Variants in PRTFDC1 observed in about 807,000 individuals in gnomAD.
PRTFDC1 encodes the protein phosphoribosyl transferase domain containing 1.
PRTFDC1 carries 38 observed loss-of-function variants against 34.6 expected under a neutral mutation model. That is an observed-to-expected ratio of 1.10 (90% CI 0.85 to 1.44). The LOEUF (loss-of-function observed/expected upper bound fraction) is 1.44. Among genes scored for constraint, PRTFDC1 ranks in the 40% most tolerant of loss-of-function variants. PRTFDC1 has a pLI of 0.00. For synonymous variants in PRTFDC1, 93 were observed against 98.1 expected (o/e 0.95, Z 0.31); for missense variants, 270 against 283.0 (o/e 0.95, Z 0.33).
chr10:24,883,577 C>T (rs1047687074), intron 3 of PRTFDC1, among the ~76,000 whole-genome samples: 4 of 152,070 alleles, frequency 2.6e-5, no homozygotes, highest in Admixed American at 6.6e-5. Context: ...CAGATTCAGC[C>T]GCATTGCTTT....
In PRTFDC1 at chr10:24,942,358, G is replaced by A. The variant is rs756177618; in HGVS notation, c.127C>T (p.Leu43Phe). The change falls in exon 2 of 9, where the codon CTC becomes TTC. Residue 43 changes from leucine (L) to phenylalanine (F), a missense_variant. Physicochemically the swap from Leu to Phe is conservative, Grantham distance 22. Coordinates refer to ENST00000320152, the MANE Select transcript of PRTFDC1 (RefSeq NM_020200.7). ...TCCACAATGATACCATGAGGGATGA[G>A]GACATACTCCAAGTCTCCATAATAG... Reference protein sequence around the residue: ...QHYYGDLEYVLIPHGIIVDRI... With the variant: ...QHYYGDLEYVFIPHGIIVDRI... 4 of 1,613,058 alleles carry A rather than the reference G, an allele frequency of 2.5e-6. No individual in the cohort carries two copies. In the African/African-American group the frequency reaches 4.0e-5, roughly 16 times the overall value.
At chr10:24,944,793 A>C (rs1849228252) in intron 1 of PRTFDC1, among the ~76,000 whole-genome samples, 1 of 152,086 alleles carries the variant, frequency 6.6e-6, no homozygotes, top group African/African-American at 2.4e-5. Flanking sequence ...TCGAAAAATA[A>C]AAATAAAAAA....
chr10:24,909,536 T>C (rs1272291281), intron 3 of PRTFDC1, among the ~76,000 whole-genome samples: 1 of 152,188 alleles, frequency 6.6e-6, no homozygotes, highest in Non-Finnish European at 1.5e-5. Context: ...GCAGAGAGTA[T>C]CAGCAAATGC....
At chr10:24,920,583 G>GC (rs1197764282) in intron 3 of PRTFDC1, among the ~76,000 whole-genome samples, 2 of 152,090 alleles carry the variant, frequency 1.3e-5, no homozygotes, top group East Asian at 3.9e-4. Flanking sequence ...CACATGTGGG[G>GC]CTTAATACCT....
intron 3 of PRTFDC1, among the ~76,000 whole-genome samples, chr10:24,928,609 AATTTTT>A (rs1848918245): frequency 1.3e-5 from 2 of 152,030 alleles, no homozygotes; most frequent in African/African-American, 4.8e-5. Context: ...ACGCCCAGCT[AATTTTT>A]GTATTTTTAG....
chr10:24,884,465 C>A (rs1848131528), intron 3 of PRTFDC1, among the ~76,000 whole-genome samples: 1 of 152,206 alleles, frequency 6.6e-6, no homozygotes, highest in African/African-American at 2.4e-5. Context: ...CAAAATATTT[C>A]TGAAGATTCC....
In PRTFDC1 at chr10:24,936,294, T is replaced by C. The variant is rs189733888; in HGVS notation, c.339+890A>G. Among the ~76,000 whole-genome samples the C allele has an allele frequency of 1.1e-4, 16 of 152,236 alleles. 1 individual carries two copies. The highest frequency in any genetic ancestry group is 9.2e-4 in the Admixed American group (14 of 15,288). ...GGAGACTAAGGAAACAACAGCTTTT[T>C]TTTTTTGGCAAGAGTTTCATTGTCA... On this transcript the variant is annotated intron_variant, in intron 3 of 8. Transcript: ENST00000320152.
rs1017491064 is a variant in PRTFDC1, at chr10:24,849,695, C to T, written c.*149G>A. 1.5e-5 allele frequency: 10 copies of T among 668,062 alleles called. No homozygotes were observed. Among genetic ancestry groups the T allele is most frequent in the African/African-American group, 1.1e-4 (6 of 55,088 alleles). 41.4% of individuals were successfully genotyped at this position (668,062 alleles called of 1,614,324 possible). On this transcript the variant is annotated 3_prime_UTR_variant, in exon 9 of 9. Transcript: ENST00000320152. ...CCTTTGATACTCTTTATATTAACCT[C>T]AGAAAAGAAAGCTCTCTCATTTGAA...
At chr10:24,855,999 A>G (rs1847567155) in intron 6 of PRTFDC1, among the ~76,000 whole-genome samples, 1 of 150,030 alleles carries the variant, frequency 6.7e-6, no homozygotes, top group Non-Finnish European at 1.5e-5. Context: ...CTGCAGTCTC[A>G]GCTACATGGG....
intron 3 of PRTFDC1, among the ~76,000 whole-genome samples, chr10:24,882,826 C>G (rs1848102057): frequency 6.7e-6 from 1 of 149,828 alleles, no homozygotes; most frequent in Admixed American, 6.6e-5. Context: ...GTTAAAAAAA[C>G]AAATAAAAAA....
At chr10:24,928,472 C>G (rs1377331551) in intron 3 of PRTFDC1, among the ~76,000 whole-genome samples, 10 of 152,104 alleles carry the variant, frequency 6.6e-5, no homozygotes, top group Non-Finnish European at 1.5e-5. Flanking sequence ...AAGACAGAGT[C>G]TCGCTCTGTT....
At position 24,849,614 on chromosome 10, in the gene PRTFDC1, G is replaced by A. The variant is rs1588567269; in HGVS notation, c.*230C>T. 1.1e-5 allele frequency: 5 copies of A among 475,888 alleles called. No individual in the cohort carries two copies. The East Asian group carries it at 1.3e-4, about 12-fold the overall frequency. The allele number at this position is 475,888 out of a possible 1,614,324, so 29.5% of individuals were successfully genotyped here. On this transcript the variant is annotated 3_prime_UTR_variant, in exon 9 of 9. Coordinates refer to ENST00000320152, the MANE Select transcript of PRTFDC1 (RefSeq NM_020200.7). ...AGATAGCATTGCTGAGTCACAAGGCGGAGTGTTTAATTTGGAACAAGTCAA... is the reference window on the plus strand; with the variant it reads ...AGATAGCATTGCTGAGTCACAAGGCAGAGTGTTTAATTTGGAACAAGTCAA...
rs79525178 is a variant in PRTFDC1, at chr10:24,865,137, C to T, written c.406-6728G>A. On this transcript the variant is annotated intron_variant, in intron 4 of 8. Coordinates refer to ENST00000320152, the MANE Select transcript of PRTFDC1 (RefSeq NM_020200.7). ...TCTCAACAAAACAAAACAAAACAAA[C>T]GAACAAAAATACATAACATGGAGAC... 8.8e-3 allele frequency among the ~76,000 whole-genome samples: 1,331 copies of T among 151,780 alleles called. 18 individuals carry two copies. The highest frequency in any genetic ancestry group is 0.03 in the African/African-American group (1,261 of 41,388).
chr10:24,922,544 T>C (rs1230277613), intron 3 of PRTFDC1, among the ~76,000 whole-genome samples: 2 of 152,142 alleles, frequency 1.3e-5, no homozygotes, highest in Admixed American at 1.3e-4. Flanking sequence ...AAAGGAGAGT[T>C]CCCCTGCATA....
At chr10:24,904,107 T>C (rs1848494275) in intron 3 of PRTFDC1, among the ~76,000 whole-genome samples, 1 of 152,180 alleles carries the variant, frequency 6.6e-6, no homozygotes, top group African/African-American at 2.4e-5. Flanking sequence ...TTAGTCTTTC[T>C]TTGGGCTAAC....
At chr10:24,908,153 C>T in intron 3 of PRTFDC1, 1 of 201,882 alleles carries the variant, frequency 5.0e-6, no homozygotes, top group Non-Finnish European at 1.0e-5. Context: ...GCGAGATCCA[C>T]ACCAAAGTCC....
chr10:24,860,381 A>G (rs61179388), intron 4 of PRTFDC1, among the ~76,000 whole-genome samples: 4,312 of 152,278 alleles, frequency 0.028, 195 homozygotes, highest in African/African-American at 0.094. Flanking sequence ...ACTCCATCTC[A>G]AAAGAAAAAA....
At chr10:24,949,986 G>A (rs1291974181) in intron 1 of PRTFDC1, among the ~76,000 whole-genome samples, 4 of 151,644 alleles carry the variant, frequency 2.6e-5, no homozygotes, top group East Asian at 1.9e-4. Flanking sequence ...CACCCACCTC[G>A]GCCTCCCAAA....
chr10:24,857,271 C>T (rs1283014313), intron 5 of PRTFDC1, among the ~76,000 whole-genome samples: 1 of 152,148 alleles, frequency 6.6e-6, no homozygotes, highest in Non-Finnish European at 1.5e-5. Context: ...TGTAGGACTC[C>T]TCGTTGAGTA....
Sources: allele counts gnomAD v4.1 joint callset (sites outside exome capture counted in the v4.1 genomes callset), GRCh38; gene constraint gnomAD v4.1.1; transcripts MANE v1.5; gene names NCBI Gene and HGNC (gene_info 2026-07-23, HGNC 2026-07-21).